Variants in CAP2 observed in about 807,000 individuals in gnomAD.
The protein encoded by CAP2 is cyclase associated actin cytoskeleton regulatory protein 2.
A neutral mutation model predicts 57.7 loss-of-function variants in CAP2; 24 were observed. The ratio of observed to expected loss-of-function variants is 0.42; its 90% CI spans 0.30 to 0.58. The LOEUF (loss-of-function observed/expected upper bound fraction) is 0.58. Among genes scored for constraint, CAP2 ranks in the 20% least tolerant of loss-of-function variants. The pLI is 0.22. For missense variants in CAP2, 501 were observed against 590.3 expected, an observed-to-expected ratio of 0.85 and a Z score of 1.57; for synonymous variants, 194 against 207.2, an observed-to-expected ratio of 0.94 and a Z score of 0.55.
At chr6:17,455,387 G>A (rs186541344) in intron 3 of CAP2, among the ~76,000 whole-genome samples, 6 of 152,148 alleles carry the variant, frequency 3.9e-5, no homozygotes, top group South Asian at 2.1e-4. Context: ...AGCCCACCCC[G>A]AGGGAAGAAT....
rs189774562 is a variant in CAP2, at chr6:17,397,466, G to A, written c.-2+3720G>A. On this transcript the variant is annotated intron_variant, in intron 1 of 12. Transcript: ENST00000229922. The stretch of plus-strand genomic sequence containing the variant: ...TCCCAACATTTTGGGAGGCCGAGGC[G>A]GGCGCATCACGAGGTCAGGAGATCG... Among the ~76,000 whole-genome samples, 1,214 of 151,842 alleles carry A rather than the reference G, an allele frequency of 8.0e-3. 12 individuals are homozygous for A. The highest frequency in any genetic ancestry group is 0.025 in the African/African-American group (1,020 of 41,464).
intron 11 of CAP2, among the ~76,000 whole-genome samples, chr6:17,548,373 AAAAGAAAG>A (rs528872186): frequency 6.6e-6 from 1 of 152,046 alleles, no homozygotes; most frequent in African/African-American, 2.4e-5. Context: ...CTCAAAAAAA[AAAAGAAAG>A]AAAGAAAGAA....
chr6:17,488,382 C>T (rs909196323), intron 4 of CAP2, among the ~76,000 whole-genome samples: 8 of 152,310 alleles, frequency 5.3e-5, no homozygotes, highest in African/African-American at 1.9e-4. Context: ...TGGTGCAACC[C>T]ACAGTCAGAC....
intron 4 of CAP2, among the ~76,000 whole-genome samples, chr6:17,505,150 C>T (rs567423744): frequency 6.6e-6 from 1 of 152,256 alleles, no homozygotes; most frequent in Non-Finnish European, 1.5e-5. Flanking sequence ...TAGGTATTCT[C>T]TCTGATTTAT....
At chr6:17,440,284 C>T (rs547726812) in intron 3 of CAP2, among the ~76,000 whole-genome samples, 1 of 151,424 alleles carries the variant, frequency 6.6e-6, no homozygotes, top group African/African-American at 2.4e-5. Context: ...AGTAAATGGG[C>T]TAATTTTGTC....
chr6:17,403,562 A>G (rs1301510671), intron 1 of CAP2, among the ~76,000 whole-genome samples: 1 of 152,242 alleles, frequency 6.6e-6, no homozygotes, highest in African/African-American at 2.4e-5. Flanking sequence ...TCTAAGTCAC[A>G]TCCTACTAAT....
At chr6:17,530,064 G>A (rs1266747299) in intron 7 of CAP2, among the ~76,000 whole-genome samples, 1 of 151,994 alleles carries the variant, frequency 6.6e-6, no homozygotes, top group Non-Finnish European at 1.5e-5. Flanking sequence ...TGATTGAAAT[G>A]GCTTTGTGAT....
In CAP2 at chr6:17,531,598, C is replaced by T. The variant is rs1041749974; in HGVS notation, c.637-7671C>T. On this transcript the variant is annotated intron_variant, in intron 7 of 12. Transcript: ENST00000229922. ...TTCGCTTTTTCTTAAGCATTTCTGG[C>T]ACAGCAGGAACCTTCTTCTTCTCTT... 12 of 1,489,216 alleles carry T rather than the reference C, an allele frequency of 8.1e-6. 1 individual carries two copies. In the South Asian group the frequency reaches 1.1e-4, roughly 14 times the overall value. 92.3% of individuals were successfully genotyped at this position (1,489,216 alleles called of 1,614,324 possible). A position where few individuals can be genotyped will look rare whatever the true frequency, so the allele number is the denominator to read the frequency against.
intron 7 of CAP2, among the ~76,000 whole-genome samples, chr6:17,515,402 A>G (rs936916312): frequency 6.6e-6 from 1 of 152,144 alleles, no homozygotes; most frequent in Admixed American, 6.5e-5. Context: ...TGGAAGCTAA[A>G]TAATGGGTAC....
At chr6:17,548,352 C>G (rs1209035403) in intron 11 of CAP2, among the ~76,000 whole-genome samples, 6 of 149,602 alleles carry the variant, frequency 4.0e-5, no homozygotes, top group African/African-American at 1.5e-4. Context: ...GGCAACAGAG[C>G]TAGATTCTGT....
At chr6:17,490,720 G>A (rs1398573801) in intron 4 of CAP2, among the ~76,000 whole-genome samples, 1 of 152,174 alleles carries the variant, frequency 6.6e-6, no homozygotes, top group African/African-American at 2.4e-5. Context: ...AAGGATCCTG[G>A]AGGCCTCCTA....
chr6:17,414,576 ACATGATCT>A (rs1281308289), intron 1 of CAP2, among the ~76,000 whole-genome samples: 3 of 152,218 alleles, frequency 2.0e-5, no homozygotes, highest in Non-Finnish European at 4.4e-5. Flanking sequence ...CCTGCAAAGG[ACATGATCT>A]CATTCCTTTT....
intron 4 of CAP2, among the ~76,000 whole-genome samples, chr6:17,483,686 C>T (rs1761352743): frequency 6.6e-6 from 1 of 152,204 alleles, no homozygotes; most frequent in Non-Finnish European, 1.5e-5. Flanking sequence ...AGAGAATTCT[C>T]ACATGCCCAG....
At chr6:17,523,781 G>A (rs1289519965) in intron 7 of CAP2, among the ~76,000 whole-genome samples, 2 of 152,186 alleles carry the variant, frequency 1.3e-5, no homozygotes, top group African/African-American at 2.4e-5. Context: ...ACTGGAGGCA[G>A]ATGCAGTTTT....
intron 4 of CAP2, among the ~76,000 whole-genome samples, chr6:17,492,491 G>A (rs182136859): frequency 9.8e-4 from 149 of 152,278 alleles, no homozygotes; most frequent in Non-Finnish European, 1.5e-3. Flanking sequence ...ATGTGCCGGC[G>A]TCCAAAGTGG....
rs191486111 is a variant in CAP2, at chr6:17,483,260, G to A, written c.300+20187G>A. Among the ~76,000 whole-genome samples, 1,224 of 152,260 alleles carry A rather than the reference G, an allele frequency of 8.0e-3. 13 individuals carry two copies. Among genetic ancestry groups the A allele is most frequent in the Admixed American group, 0.012 (182 of 15,292 alleles). On this transcript the variant is annotated intron_variant, in intron 4 of 12. Coordinates refer to ENST00000229922, the MANE Select transcript of CAP2 (RefSeq NM_006366.3). ...ATCTTACAGATAACAATACAAGGAG[G>A]GATTACCATCTGTAAAACTCCTTCC...
chr6:17,525,079 T>A lies in CAP2; in HGVS notation c.636+11125T>A, dbSNP rs28421840. On this transcript the variant is annotated intron_variant, in intron 7 of 12. Coordinates refer to ENST00000229922, the MANE Select transcript of CAP2 (RefSeq NM_006366.3). ...ACCTGGCTACTTTTTGTACTTTTTT[T>A]AAAAATAGAAATGGGGTTTCACCAT... Among the ~76,000 whole-genome samples, 84 of 151,614 alleles carry A rather than the reference T, an allele frequency of 5.5e-4. No individual in the cohort carries two copies. In the South Asian group the frequency reaches 0.016, roughly 29 times the overall value.
chr6:17,398,408 A>G (rs1466326956), intron 1 of CAP2, among the ~76,000 whole-genome samples: 2 of 152,216 alleles, frequency 1.3e-5, no homozygotes, highest in African/African-American at 2.4e-5. Flanking sequence ...CCATTCATTC[A>G]GGATATTTCT....
intron 4 of CAP2, among the ~76,000 whole-genome samples, chr6:17,464,062 C>T (rs945624988): frequency 2.6e-5 from 4 of 152,142 alleles, no homozygotes; most frequent in African/African-American, 7.2e-5. Flanking sequence ...TAAACCAAAG[C>T]GTGATCACCA....
Sources: gnomAD v4.1 joint callset for allele counts (sites outside exome capture counted in the v4.1 genomes callset) on GRCh38, gnomAD v4.1.1 for gene constraint, MANE v1.5 for transcripts, NCBI Gene and HGNC (gene_info 2026-07-23, HGNC 2026-07-21) for gene names.